The following CDC40 variants were observed in gnomAD, a reference collection of about 807,000 sequenced individuals.
CDC40 encodes the protein cell division cycle 40, also known as pre-mRNA-processing factor 17.
In CDC40, 27 loss-of-function variants were observed where a neutral mutation model predicts 80.6. That is an observed-to-expected ratio of 0.33 (90% confidence interval 0.25 to 0.46). The LOEUF (loss-of-function observed/expected upper bound fraction) is 0.46. Among genes scored for constraint, CDC40 ranks in the 20% least tolerant of loss-of-function variants. The probability of loss-of-function intolerance (pLI) is 1.00; values close to 1 mark genes in which losing one functional copy is unlikely to be tolerated. For synonymous variants in CDC40, 221 were observed against 232.6 expected (o/e 0.95, Z 0.45); for missense variants, 486 against 694.1 (o/e 0.70, Z 3.37).
chr6:110,205,518 T>C (rs1343345269), intron 3 of CDC40, among the ~76,000 whole-genome samples: 1 of 152,212 alleles, frequency 6.6e-6, no homozygotes, highest in Non-Finnish European at 1.5e-5. Flanking sequence ...GTAGTGGGGA[T>C]GGTGGTATGG....
At chr6:110,206,995 A>T (rs113206016) in intron 3 of CDC40, among the ~76,000 whole-genome samples, 1,941 of 152,230 alleles carry the variant, frequency 0.013, 48 homozygotes, top group African/African-American at 0.045. Flanking sequence ...TAAATAGAAA[A>T]ATATAGCTTT....
intron 9 of CDC40, 144 bp downstream of exon 9, chr6:110,215,475 A>C (rs997123111): frequency 1.4e-6 from 1 of 698,130 alleles, no homozygotes; most frequent in Non-Finnish European, 2.4e-6. Context: ...CAGTGTCCCC[A>C]GTTAGACAAA....
chr6:110,218,345 A>G (rs967208710), intron 10 of CDC40, among the ~76,000 whole-genome samples: 1 of 152,238 alleles, frequency 6.6e-6, no homozygotes, highest in African/African-American at 2.4e-5. Flanking sequence ...CCCTTACTGC[A>G]TCTGAAGGGT....
intron 8 of CDC40, among the ~76,000 whole-genome samples, chr6:110,214,339 C>T (rs770431688): frequency 6.6e-6 from 1 of 152,050 alleles, no homozygotes; most frequent in South Asian, 2.1e-4. Context: ...GGCACTGTCC[C>T]TCCCCTTAGG....
intron 2 of CDC40, among the ~76,000 whole-genome samples, chr6:110,195,753 A>T (rs1777411032): frequency 6.6e-6 from 1 of 152,234 alleles, no homozygotes; most frequent in East Asian, 1.9e-4. Context: ...GAGCCGAATC[A>T]TAAAAGATCT....
Position 110,213,763 on chromosome 6 carries a change from T to G in CDC40, c.942+603T>G, listed in dbSNP as rs114896758. Among the ~76,000 whole-genome samples, 394 of 152,334 alleles carry G rather than the reference T, an allele frequency of 2.6e-3. 1 individual carries two copies. The highest frequency in any genetic ancestry group is 9.2e-3 in the African/African-American group (382 of 41,570). On this transcript the variant is annotated intron_variant, in intron 8 of 14. Transcript: ENST00000307731. ...TCATCCTTTTTCTTCTAAATACTAG[T>G]AGACACCAAGTAACTGGACTGCTCC...
At chr6:110,203,586 C>T (rs1236433069) in intron 3 of CDC40, among the ~76,000 whole-genome samples, 1 of 152,092 alleles carries the variant, frequency 6.6e-6, no homozygotes, top group Non-Finnish European at 1.5e-5. Context: ...AATTTTCTTC[C>T]CATTTTTAAA....
At chr6:110,193,103 C>A in intron 1 of CDC40, 79 bp from the exon 2 acceptor site, 2 of 797,306 alleles carry the variant, frequency 2.5e-6, no homozygotes, top group Non-Finnish European at 4.4e-6. Context: ...TTAAAGATGG[C>A]TAGTGTGACT....
intron 2 of CDC40, among the ~76,000 whole-genome samples, chr6:110,199,586 C>T (rs111952529): frequency 0.23 from 33,964 of 147,114 alleles, 5,946 homozygotes; most frequent in African/African-American, 0.49. Flanking sequence ...AGAGGGAGAC[C>T]CTGTCTCAAA....
chr6:110,188,366 C>G (rs1413598162), intron 1 of CDC40, among the ~76,000 whole-genome samples: 1 of 152,114 alleles, frequency 6.6e-6, no homozygotes. Flanking sequence ...GCAGTTTAAA[C>G]AATTTGTATG....
intron 12 of CDC40, chr6:110,224,333 CTTA>C (rs1473714919): frequency 6.6e-6 from 1 of 151,960 alleles, no homozygotes; most frequent in African/African-American, 2.4e-5. Context: ...GAGTTACTAG[CTTA>C]TTATACTGAA....
At chr6:110,192,101 A>C (rs1203957992) in intron 1 of CDC40, among the ~76,000 whole-genome samples, 2 of 152,150 alleles carry the variant, frequency 1.3e-5, no homozygotes, top group African/African-American at 4.8e-5. Flanking sequence ...TGGGGAGGTT[A>C]CTGGGGGGTT....
intron 12 of CDC40, among the ~76,000 whole-genome samples, chr6:110,220,860 T>C (rs1270024541): frequency 6.6e-6 from 1 of 152,178 alleles, no homozygotes; most frequent in African/African-American, 2.4e-5. Context: ...AAGAACAGTA[T>C]GGTAGAAACT....
intron 9 of CDC40, among the ~76,000 whole-genome samples, 189 bp downstream of exon 9, chr6:110,215,520 A>G (rs1375614824): frequency 6.6e-6 from 1 of 152,228 alleles, no homozygotes; most frequent in Non-Finnish European, 1.5e-5. Flanking sequence ...AGCGGATGCA[A>G]AACAAAAATG....
intron 5 of CDC40, among the ~76,000 whole-genome samples, chr6:110,209,673 T>C (rs1777609491): frequency 2.0e-5 from 3 of 152,152 alleles, no homozygotes; most frequent in Admixed American, 2.0e-4. Flanking sequence ...GTAAAGTAAA[T>C]GCTCTGCCGT....
intron 1 of CDC40, among the ~76,000 whole-genome samples, chr6:110,184,060 G>A (rs1374908705): frequency 6.6e-6 from 1 of 152,106 alleles, no homozygotes; most frequent in Non-Finnish European, 1.5e-5. Flanking sequence ...TTGCTTGTTT[G>A]AGAAATCCTT....
At chr6:110,226,300 C>A in intron 13 of CDC40, 57 bp downstream of exon 13, 6 of 1,125,132 alleles carry the variant, frequency 5.3e-6, no homozygotes, top group Non-Finnish European at 6.6e-6. Flanking sequence ...AGTGTGATTT[C>A]TTTATTCAAA....
At chr6:110,213,561 A>G (rs1777664406) in intron 8 of CDC40, among the ~76,000 whole-genome samples, 1 of 151,652 alleles carries the variant, frequency 6.6e-6, no homozygotes, top group Non-Finnish European at 1.5e-5. Flanking sequence ...CCCCTTTTTA[A>G]GCTTAGACAA....
In CDC40 at chr6:110,212,158, C is replaced by T. The variant is rs376762186; in HGVS notation, c.753C>T (p.Gly251=). 1.6e-5 allele frequency: 26 copies of T among 1,613,224 alleles called. No homozygotes were observed. The African/African-American group carries it at 2.9e-4, about 18-fold the overall frequency. ...LHVKEMYDYQ[G]RSYLHIPQDV... ...TTAAAGAAATGTATGACTATCAAGG[C>T]AGGTCCTATCTTCACATACCTCAGG... The change falls in exon 7 of 15, where the codon GGC becomes GGT. Residue 251 remains glycine, a synonymous_variant. Transcript: ENST00000307731.
Sources: gnomAD v4.1 joint callset for allele counts (sites outside exome capture counted in the v4.1 genomes callset) on GRCh38, gnomAD v4.1.1 for gene constraint, MANE v1.5 for transcripts, NCBI Gene and HGNC (gene_info 2026-07-23, HGNC 2026-07-21) for gene names.